Variants in NTN1 observed in about 807,000 individuals in gnomAD.
The protein encoded by NTN1 is netrin 1, also known as netrin-1.
NTN1 carries 11 observed loss-of-function variants against 54.2 expected under a neutral mutation model. That is an observed-to-expected ratio of 0.20 (90% CI 0.13 to 0.34). The LOEUF is 0.34. NTN1 is among the 10% of genes least tolerant of loss of function. The pLI is 1.00. For synonymous variants in NTN1, 371 were observed against 382.0 expected (o/e 0.97, Z 0.33); for missense variants, 740 against 893.1 (o/e 0.83, Z 2.18).
chr17:9,140,147 A>G (rs1025026382), intron 2 of NTN1, among the ~76,000 whole-genome samples: 1 of 151,448 alleles, frequency 6.6e-6, no homozygotes, highest in Non-Finnish European at 1.5e-5. Flanking sequence ...AAGCCAGCAT[A>G]CATACACTCC....
chr17:9,171,112 C>G (rs1375414105), intron 3 of NTN1: 1 of 152,224 alleles, frequency 6.6e-6, no homozygotes, highest in Non-Finnish European at 1.5e-5. Flanking sequence ...GCCTCGTTAG[C>G]AACTGCTGGG....
intron 2 of NTN1, among the ~76,000 whole-genome samples, chr17:9,070,054 C>T (rs921010209): frequency 1.3e-5 from 2 of 152,142 alleles, no homozygotes; most frequent in Non-Finnish European, 1.5e-5. Flanking sequence ...CCTTCTTCTT[C>T]GTAGGTTGTG....
chr17:9,095,284 CT>C (rs1477177309), intron 2 of NTN1, among the ~76,000 whole-genome samples: 1 of 152,132 alleles, frequency 6.6e-6, no homozygotes, highest in Non-Finnish European at 1.5e-5. Context: ...CAGAAAAATG[CT>C]TTTTACTTTT....
At chr17:9,049,165 G>GA (rs939636197) in intron 2 of NTN1, among the ~76,000 whole-genome samples, 23 of 152,128 alleles carry the variant, frequency 1.5e-4, no homozygotes, top group Non-Finnish European at 7.4e-5. Flanking sequence ...GGTGAAAATA[G>GA]AAAATCACCA....
In NTN1 at chr17:9,154,667, C is replaced by T. The variant is rs115264066; in HGVS notation, c.1019-8146C>T. Among the ~76,000 whole-genome samples the T allele has an allele frequency of 8.9e-3, 1,358 of 152,046 alleles. 18 individuals carry two copies. The highest frequency in any genetic ancestry group is 0.031 in the African/African-American group (1,270 of 41,466). ...GGGGCTCAGAAAAACACACTGGAGG[C>T]GGAATACCTAAAATTTATAAACAGG... On this transcript the variant is annotated intron_variant, in intron 2 of 6. Transcript: ENST00000173229.
chr17:9,046,486 C>T (rs967782936), intron 2 of NTN1, among the ~76,000 whole-genome samples: 10 of 152,224 alleles, frequency 6.6e-5, no homozygotes, highest in Middle Eastern at 3.4e-3. Context: ...TAATCCCTTC[C>T]GAAACCCCCC....
intron 2 of NTN1, among the ~76,000 whole-genome samples, chr17:9,051,846 C>T (rs373400169): frequency 4.6e-5 from 7 of 152,222 alleles, no homozygotes; most frequent in South Asian, 2.1e-4. Context: ...ATCCATCCCC[C>T]GCTTAATTGA....
the NTN1 span, among the ~76,000 whole-genome samples, chr17:9,003,239 G>A: frequency 6.6e-6 from 1 of 151,986 alleles, no homozygotes; most frequent in Non-Finnish European, 1.5e-5. The surrounding 1 kb of genome is among the most constrained non-coding windows in gnomAD (Gnocchi z 7.4). Flanking sequence ...TGCGGTCGGA[G>A]GGCGGCGCCC....
At chr17:9,161,108 A>C (rs1032296997) in intron 2 of NTN1, among the ~76,000 whole-genome samples, 1 of 152,220 alleles carries the variant, frequency 6.6e-6, no homozygotes, top group Non-Finnish European at 1.5e-5. Context: ...GGAAGCCTAA[A>C]GAAGAAGGCA....
At chr17:9,152,749 T>C (rs1180939997) in intron 2 of NTN1, among the ~76,000 whole-genome samples, 1 of 152,206 alleles carries the variant, frequency 6.6e-6, no homozygotes, top group Non-Finnish European at 1.5e-5. Flanking sequence ...AGTTAGACTT[T>C]TAGGGCCAGA....
the NTN1 span, among the ~76,000 whole-genome samples, chr17:9,010,017 C>G: frequency 4.8e-3 from 724 of 152,290 alleles, 7 homozygotes; most frequent in African/African-American, 0.016. Context: ...GGCTCTCATA[C>G]AGTAAAGCCC....
At chr17:9,189,691 A>T (rs553729538) in intron 5 of NTN1, among the ~76,000 whole-genome samples, 25 of 152,240 alleles carry the variant, frequency 1.6e-4, no homozygotes, top group South Asian at 8.3e-4. Flanking sequence ...TTAAAAAAAA[A>T]AATCCTATGT....
chr17:9,013,223 T>C, the NTN1 span, among the ~76,000 whole-genome samples: 4 of 148,464 alleles, frequency 2.7e-5, no homozygotes, highest in Non-Finnish European at 4.5e-5. Context: ...TTTCTTTTTT[T>C]TTTTTTTTTT....
At chr17:9,229,412 A>AT (rs1440267109) in intron 6 of NTN1, among the ~76,000 whole-genome samples, 3 of 58,238 alleles carry the variant, frequency 5.2e-5, no homozygotes, top group African/African-American at 9.3e-5. Flanking sequence ...TGAGGGAGGG[A>AT]TTTTCATTCC....
At chr17:9,056,690 G>A (rs1469028223) in intron 2 of NTN1, among the ~76,000 whole-genome samples, 3 of 152,050 alleles carry the variant, frequency 2.0e-5, no homozygotes, top group African/African-American at 7.2e-5. Context: ...TGTTCTATGA[G>A]CACCGTCCAG....
intron 2 of NTN1, among the ~76,000 whole-genome samples, chr17:9,065,196 T>C (rs9910706): frequency 0.17 from 25,797 of 152,060 alleles, 2,444 homozygotes; most frequent in African/African-American, 0.23. Context: ...CTCCACCTCC[T>C]GAAGTGCTGG....
chr17:9,230,448 A>ACCCCC (rs35782280), intron 6 of NTN1, among the ~76,000 whole-genome samples: 3 of 56,392 alleles, frequency 5.3e-5, no homozygotes, highest in African/African-American at 3.2e-4. Flanking sequence ...ACCAGATGTG[A>ACCCCC]CCCCCCCCCC....
chr17:9,226,649 A>G (rs1905574902), intron 6 of NTN1, among the ~76,000 whole-genome samples: 1 of 152,066 alleles, frequency 6.6e-6, no homozygotes, highest in Admixed American at 6.5e-5. Context: ...GAGAGCCGCC[A>G]GGGAGGCTGA....
intron 2 of NTN1, among the ~76,000 whole-genome samples, chr17:9,035,796 T>C (rs12603966): frequency 0.78 from 118,412 of 152,006 alleles, 46,365 homozygotes; most frequent in East Asian, 0.97. Flanking sequence ...CTGAGGCAGG[T>C]GGATCACTTG....
Sources: allele counts gnomAD v4.1 joint callset (sites outside exome capture counted in the v4.1 genomes callset), GRCh38; gene constraint gnomAD v4.1.1; non-coding constraint Gnocchi (gnomAD v3.1); transcripts MANE v1.5; gene names NCBI Gene and HGNC (gene_info 2026-07-23, HGNC 2026-07-21).